The following TRPM3 variants were observed in gnomAD, a reference collection of about 807,000 sequenced individuals.
TRPM3 encodes the protein transient receptor potential cation channel subfamily M member 3.
TRPM3 carries 77 observed loss-of-function variants against 181.2 expected under a neutral mutation model. The observed-to-expected ratio is 0.42, with a 90% confidence interval of 0.35 to 0.51. The LOEUF is 0.51. Among genes scored for constraint, TRPM3 ranks in the 20% least tolerant of loss-of-function variants. TRPM3 has a pLI of 0.01. For missense variants in TRPM3, 1,759 were observed against 2,196.7 expected (o/e 0.80, Z 3.98); for synonymous variants, 745 against 796.4 (o/e 0.94, Z 1.09).
chr9:71,423,301 T>C (rs538502174), intron 1 of TRPM3, among the ~76,000 whole-genome samples: 1 of 152,254 alleles, frequency 6.6e-6, no homozygotes, highest in African/African-American at 2.4e-5. Flanking sequence ...AATTGTTTTT[T>C]AAAGAACTAC....
At chr9:70,561,348 GAC>G (rs1384274429) in intron 22 of TRPM3, among the ~76,000 whole-genome samples, 1 of 152,192 alleles carries the variant, frequency 6.6e-6, no homozygotes, top group Non-Finnish European at 1.5e-5. Context: ...GCCTTTTCCT[GAC>G]ACAACGTTTT....
chr9:71,125,367 C>A (rs1006674656), upstream of TRPM3, among the ~76,000 whole-genome samples: 1 of 152,154 alleles, frequency 6.6e-6, no homozygotes, highest in Middle Eastern at 3.4e-3. Flanking sequence ...CTGCAACAGG[C>A]CCCCGTATGT....
intron 1 of TRPM3, among the ~76,000 whole-genome samples, chr9:71,257,733 T>C (rs966709720): frequency 6.6e-6 from 1 of 152,218 alleles, no homozygotes; most frequent in Admixed American, 6.5e-5. Flanking sequence ...TTGTACTAAG[T>C]CTGTACTTCC....
chr9:71,418,036 T>C (rs1020810380), intron 1 of TRPM3, among the ~76,000 whole-genome samples: 6 of 124,326 alleles, frequency 4.8e-5, no homozygotes, highest in African/African-American at 1.8e-4. Flanking sequence ...ATTTGAGAAA[T>C]TGAAAATCAT....
intron 1 of TRPM3, among the ~76,000 whole-genome samples, chr9:71,225,136 G>C (rs2080511700): frequency 6.6e-6 from 1 of 152,008 alleles, no homozygotes; most frequent in Admixed American, 6.6e-5. Context: ...AGAACACTAA[G>C]CAGATTTAAC....
chr9:70,832,699 T>C (rs1010329406), intron 5 of TRPM3, among the ~76,000 whole-genome samples: 7 of 152,186 alleles, frequency 4.6e-5, no homozygotes, highest in Non-Finnish European at 8.8e-5. Context: ...CATTTGTGTT[T>C]TCTGCATGGG....
intron 1 of TRPM3, among the ~76,000 whole-genome samples, chr9:71,357,371 C>T (rs546386998): frequency 6.6e-6 from 1 of 152,156 alleles, no homozygotes; most frequent in South Asian, 2.1e-4. Context: ...CGCCATTATC[C>T]CAGACAGTGA....
intron 1 of TRPM3, among the ~76,000 whole-genome samples, chr9:70,927,995 G>A (rs1001277807): frequency 6.6e-6 from 1 of 152,136 alleles, no homozygotes; most frequent in Admixed American, 6.6e-5. Flanking sequence ...TTGGAAGTAT[G>A]GGGGCTAGTT....
chr9:71,426,287 C>CTT (rs11431412), intron 1 of TRPM3, among the ~76,000 whole-genome samples: 139 of 147,660 alleles, frequency 9.4e-4, no homozygotes, highest in Admixed American at 1.0e-3. Context: ...CCCAGCAACT[C>CTT]TTTTTTTTTT....
intron 1 of TRPM3, among the ~76,000 whole-genome samples, chr9:71,421,043 G>A (rs1175600195): frequency 3.3e-5 from 5 of 149,888 alleles, no homozygotes; most frequent in Admixed American, 6.7e-5. Context: ...AAAAGAGAAC[G>A]AACTCACGTC....
chr9:70,834,693 G>T (rs540825696), intron 5 of TRPM3, among the ~76,000 whole-genome samples: 5 of 152,262 alleles, frequency 3.3e-5, no homozygotes, highest in African/African-American at 1.2e-4. Flanking sequence ...CACATGGCAA[G>T]GAACTCCTGC....
At chr9:70,677,426 C>T (rs1006245129) in intron 9 of TRPM3, among the ~76,000 whole-genome samples, 1 of 152,236 alleles carries the variant, frequency 6.6e-6, no homozygotes, top group African/African-American at 2.4e-5. Context: ...CTATAACACT[C>T]CTTCAGTAAA....
At chr9:71,142,135 T>G (rs538380666) in intron 1 of TRPM3, among the ~76,000 whole-genome samples, 36 of 152,228 alleles carry the variant, frequency 2.4e-4, no homozygotes, top group African/African-American at 8.7e-4. Context: ...GTCAAGAGGG[T>G]AGAATTTATC....
At chr9:71,101,449 A>G (rs2134057686) in intron 1 of TRPM3, among the ~76,000 whole-genome samples, 1 of 152,300 alleles carries the variant, frequency 6.6e-6, no homozygotes, top group Middle Eastern at 3.4e-3. Flanking sequence ...ACCGAAGGGA[A>G]GGCTGAATTT....
chr9:71,348,764 T>C (rs1324824122), intron 1 of TRPM3, among the ~76,000 whole-genome samples: 2 of 150,992 alleles, frequency 1.3e-5, no homozygotes, highest in African/African-American at 4.9e-5. Flanking sequence ...GGAAGTGGGG[T>C]TTCACCATGT....
At chr9:71,220,270 A>T (rs1454192014) in intron 1 of TRPM3, among the ~76,000 whole-genome samples, 1 of 152,150 alleles carries the variant, frequency 6.6e-6, no homozygotes, top group Admixed American at 6.5e-5. Flanking sequence ...CCATAGGGGC[A>T]TTAGAATAGT....
In TRPM3 at chr9:70,536,703, G is replaced by C. The variant is rs199513226; in HGVS notation, c.4410C>G (p.Ser1470Arg). The C allele has an allele frequency of 6.2e-7, 1 of 1,614,090 alleles. No homozygotes were observed. The highest frequency in any genetic ancestry group is 1.3e-5 in the African/African-American group (1 of 75,008). Residue 1470 changes from serine to arginine, a missense_variant, in exon 26 of 26, where the codon AGC (serine) becomes AGG (arginine). Ser to Arg is a moderately radical substitution (Grantham distance 110). Around this residue, in one of 8 missense-constraint regions of TRPM3, gnomAD observed 612 missense variants for 590.0 expected, o/e 1.04. Coordinates refer to ENST00000677713, the MANE Select transcript of TRPM3 (RefSeq NM_001366145.2). ...TGGAGGTGATGTCCTCAAAATCAAT[G>C]CTCCGGCTTGGAGGTCTGTCTGTGG... is the stretch of plus-strand genomic sequence containing the variant. ...LAPTDRPPSRSIDFEDITSMD... is the reference protein window; with the variant it reads ...LAPTDRPPSRRIDFEDITSMD...
chr9:71,332,545 T>G (rs1219596064), intron 1 of TRPM3, among the ~76,000 whole-genome samples: 1 of 150,988 alleles, frequency 6.6e-6, no homozygotes, highest in Non-Finnish European at 1.5e-5. Flanking sequence ...AAGAATGCAG[T>G]AGATTCTACT....
intron 1 of TRPM3, among the ~76,000 whole-genome samples, chr9:71,174,929 A>G (rs1476651944): frequency 6.6e-6 from 1 of 152,182 alleles, no homozygotes; most frequent in South Asian, 2.1e-4. Flanking sequence ...CTAATCTTTA[A>G]AAGTAGAAGA....
Sources: allele counts gnomAD v4.1 joint callset (sites outside exome capture counted in the v4.1 genomes callset), GRCh38; gene constraint gnomAD v4.1.1; regional missense constraint gnomAD v4.1.1; transcripts MANE v1.5; gene names NCBI Gene and HGNC (gene_info 2026-07-23, HGNC 2026-07-21).